AGRN: variants seen among roughly 807,000 people sequenced by gnomAD.
AGRN encodes the protein agrin, also known as agrin proteoglycan.
AGRN carries 106 observed loss-of-function variants against 211.0 expected under a neutral mutation model. The observed-to-expected ratio is 0.50, with a 90% confidence interval of 0.43 to 0.59. The LOEUF (loss-of-function observed/expected upper bound fraction) is 0.59. Ranked by LOEUF, AGRN falls within the 20% of genes least tolerant of loss-of-function variation. AGRN has a pLI of 0.00. For missense variants in AGRN, 3,040 were observed against 2,982.6 expected (o/e 1.02, Z -0.45); for synonymous variants, 1,525 against 1,332.5 (o/e 1.14, Z -3.15).
At chr1:1,035,088 AG>A in intron 2 of AGRN, 188 bp from the exon 3 acceptor site, 1 of 686,572 alleles carries the variant, frequency 1.5e-6, no homozygotes, top group Non-Finnish European at 2.5e-6. Flanking sequence ...AGAGAAAAGC[AG>A]GGGCCTCTGT....
At position 1,022,373 on chromosome 1, in the gene AGRN, G is replaced by T. The variant is rs1219093310; in HGVS notation, c.374G>T (p.Trp125Leu). The part of the protein sequence containing the change: ...FFVNPAPPYL[W>L]PAHKNELMLN... ...GTGAACCCTGCACCCCCATACCTGT[G>T]GCCAGCCCACAAGAACGAGCTGATG... Residue 125 changes from tryptophan to leucine, a missense_variant, in exon 2 of 36, where the codon TGG (tryptophan) becomes TTG (leucine). By Grantham distance (61) the Trp-to-Leu change is moderately conservative (BLOSUM62 -2). Coordinates refer to ENST00000379370, the MANE Select transcript of AGRN (RefSeq NM_198576.4). The T allele has an allele frequency of 6.2e-7, 1 of 1,613,336 alleles. No individual in the cohort carries two copies. Among genetic ancestry groups the T allele is most frequent in the Non-Finnish European group, 8.5e-7 (1 of 1,179,992 alleles).
chr1:1,048,742 G>C lies in AGRN; in HGVS notation c.4106-125G>C. On this transcript the variant is annotated intron_variant, in intron 23 of 35. Coordinates refer to ENST00000379370, the MANE Select transcript of AGRN (RefSeq NM_198576.4). The surrounding 1 kb of genome is among the most constrained non-coding windows in gnomAD (Gnocchi z 5.9). ...GGATCGCGCCACTGCACTCCAGCCG[G>C]GGCAAAAAGAGCAAAACTCCGTCTC... 1.7e-6 allele frequency: 2 copies of C among 1,199,756 alleles called. No homozygotes were observed. The highest frequency in any genetic ancestry group is 1.6e-5 in the South Asian group (1 of 62,944). The allele number at this position is 1,199,756 out of a possible 1,614,324, so 74.3% of individuals were successfully genotyped here. A position where few individuals can be genotyped will look rare whatever the true frequency, so the allele number is the denominator to read the frequency against.
Position 1,045,867 on chromosome 1 carries a change from T to C in AGRN, c.2671T>C (p.Cys891Arg), listed in dbSNP as rs756577332. The change falls in exon 15 of 36, where the codon TGT becomes CGT. Residue 891 changes from cysteine to arginine, a missense_variant. By Grantham distance (180) the Cys-to-Arg change is radical (BLOSUM62 -3). Around this residue, in one of 3 missense-constraint regions of AGRN, gnomAD observed 1,498 missense variants for 1,457.8 expected, o/e 1.03. Coordinates refer to ENST00000379370, the MANE Select transcript of AGRN (RefSeq NM_198576.4). The stretch of plus-strand genomic sequence containing the variant: ...CGGCCGTGCCCTGGGCCCCGCGGGC[T>C]GTGAAGCTGGTGAGTGAGGGCCAGC... ...PDGRALGPAG[C>R]EADASAPATC... 4 of 1,610,750 alleles carry C rather than the reference T, an allele frequency of 2.5e-6. No individual in the cohort carries two copies. In the Admixed American group the frequency reaches 6.7e-5, roughly 27 times the overall value.
chr1:1,043,342 C>T lies in AGRN; in HGVS notation c.1488C>T (p.Ser496=). Residue 496 remains serine, a synonymous_variant, in exon 8 of 36, where the codon AGC becomes AGT. Transcript: ENST00000379370. ...AACECLQACS[S]LYDPVCGSDG... is the part of the protein sequence containing the mutation. Reference sequence around the variant, plus strand: ...GTGAATGCCTGCAGGCGTGCTCGAGCCTCTACGATCCTGTGTGCGGCAGCG... The same window carrying T: ...GTGAATGCCTGCAGGCGTGCTCGAGTCTCTACGATCCTGTGTGCGGCAGCG... 2 of 1,610,408 alleles carry T rather than the reference C, an allele frequency of 1.2e-6. No homozygotes were observed. The highest frequency in any genetic ancestry group is 1.1e-5 in the South Asian group (1 of 90,516).
In AGRN at chr1:1,045,873, G is replaced by T. The variant is rs755538643; in HGVS notation, c.2677G>T (p.Ala893Ser). Residue 893 changes from alanine to serine, a missense_variant, in exon 15 of 36, where the codon GCT (alanine) becomes TCT (serine). Around this residue, in one of 3 missense-constraint regions of AGRN, gnomAD observed 1,498 missense variants for 1,457.8 expected, o/e 1.03. Coordinates refer to ENST00000379370, the MANE Select transcript of AGRN (RefSeq NM_198576.4). ...TGCCCTGGGCCCCGCGGGCTGTGAAGCTGGTGAGTGAGGGCCAGCGCTACC... is the reference window on the plus strand; with the variant it reads ...TGCCCTGGGCCCCGCGGGCTGTGAATCTGGTGAGTGAGGGCCAGCGCTACC... ...GRALGPAGCE[A>S]DASAPATCAE... 6.2e-7 allele frequency: 1 copy of T among 1,610,628 alleles called. No individual in the cohort carries two copies. Among genetic ancestry groups the T allele is most frequent in the South Asian group, 1.1e-5 (1 of 91,066 alleles).
Position 1,035,180 on chromosome 1 carries a change from G to C in AGRN, c.464-97G>C, listed in dbSNP as rs567177957. ...CCTGGGGCTAGCGGTGGGGGGGGGGGGGTGGGCAGGGGTGCCCCTTTCCAG... is the reference window on the plus strand; with the variant it reads ...CCTGGGGCTAGCGGTGGGGGGGGGGCGGTGGGCAGGGGTGCCCCTTTCCAG... On this transcript the variant is annotated intron_variant, in intron 2 of 35. Transcript: ENST00000379370. 3.9e-4 allele frequency: 461 copies of C among 1,183,492 alleles called. 2 individuals carry two copies. The African/African-American group carries it at 5.2e-3, about 13-fold the overall frequency. 73.3% of individuals were successfully genotyped at this position (1,183,492 alleles called of 1,614,324 possible).
Position 1,049,199 on chromosome 1 carries a change from C to A in AGRN, c.4299-37C>A, listed in dbSNP as rs539769367. 1.7e-4 allele frequency: 255 copies of A among 1,499,712 alleles called. 2 individuals carry two copies. In the East Asian group the frequency reaches 2.8e-3, roughly 16 times the overall value. 92.9% of individuals were successfully genotyped at this position (1,499,712 alleles called of 1,614,324 possible). Reference sequence around the variant, plus strand: ...TCAGGTAGGCGGGGTGGGGACGGGGCCGGGCGATGGTCCTGAGCACCTGCT... The same window carrying A: ...TCAGGTAGGCGGGGTGGGGACGGGGACGGGCGATGGTCCTGAGCACCTGCT... On this transcript the variant is annotated intron_variant, in intron 24 of 35. Coordinates refer to ENST00000379370, the MANE Select transcript of AGRN (RefSeq NM_198576.4).
intron 6 of AGRN, 123 bp downstream of exon 6, chr1:1,041,825 G>T (rs1481524058): frequency 8.0e-7 from 1 of 1,244,490 alleles, no homozygotes; most frequent in African/African-American, 1.6e-5. Flanking sequence ...GGAGGGCTGC[G>T]GCCAGTGCCA....
At chr1:1,045,315 G>A (rs759331616) in intron 13 of AGRN, 38 bp downstream of exon 13, 2 of 1,612,094 alleles carry the variant, frequency 1.2e-6, no homozygotes, top group Non-Finnish European at 1.7e-6. Context: ...CGGGCCTGGT[G>A]CGGCTGTGCG....
intron 33 of AGRN, 78 bp downstream of exon 33, chr1:1,051,893 G>T (rs1570251383): frequency 6.3e-7 from 1 of 1,580,490 alleles, no homozygotes; most frequent in East Asian, 2.3e-5. Context: ...CACCAGGAGG[G>T]CCCAGGAGGG....
chr1:1,030,082 C>G (rs772149256), intron 2 of AGRN, among the ~76,000 whole-genome samples: 1 of 82,064 alleles, frequency 1.2e-5, no homozygotes, highest in Non-Finnish European at 2.3e-5. Flanking sequence ...TGTGCAGTGC[C>G]TGGTGCTGTG....
At chr1:1,029,415 G>GTC (rs1189349942) in intron 2 of AGRN, among the ~76,000 whole-genome samples, 1 of 68,792 alleles carries the variant, frequency 1.5e-5, no homozygotes, top group African/African-American at 4.5e-5. Context: ...AGGTGGGGGG[G>GTC]ACATCAGTGT....
At position 1,032,518 on chromosome 1, in the gene AGRN, T is replaced by G. The variant is rs1644695561; in HGVS notation, c.464-2759T>G. ...GGGCCCAGACACCCGGCTGGGGGAC[T>G]CCAGGAAGGCAGCAGGTGTGGGCAG... is the stretch of plus-strand genomic sequence containing the variant. On this transcript the variant is annotated intron_variant, in intron 2 of 35. Coordinates refer to ENST00000379370, the MANE Select transcript of AGRN (RefSeq NM_198576.4). This position sits in a 1 kb window ranked among gnomAD's most constrained non-coding sequence, Gnocchi z 4.7. Among the ~76,000 whole-genome samples the G allele has an allele frequency of 6.6e-6, 1 of 151,910 alleles. No individual in the cohort carries two copies. Among genetic ancestry groups the G allele is most frequent in the African/African-American group, 2.4e-5 (1 of 41,318 alleles).
chr1:1,022,574 A>G, intron 2 of AGRN, 112 bp downstream of exon 2: 1 of 1,298,942 alleles, frequency 7.7e-7, no homozygotes, highest in Non-Finnish European at 1.1e-6. Flanking sequence ...CGGAGGCTGC[A>G]GCACACGGTG....
chr1:1,043,278 T>A lies in AGRN; in HGVS notation c.1424T>A (p.Phe475Tyr), dbSNP rs1444837718. 2 of 1,611,376 alleles carry A rather than the reference T, an allele frequency of 1.2e-6. No homozygotes were observed. The highest frequency in any genetic ancestry group is 1.7e-6 in the Non-Finnish European group (2 of 1,179,490). The change falls in exon 8 of 36, where the codon TTT becomes TAT. Residue 475 changes from phenylalanine to tyrosine, a missense_variant. Coordinates refer to ENST00000379370, the MANE Select transcript of AGRN (RefSeq NM_198576.4). ...PSPCLGVQCA[F>Y]GATCAVKNGQ... ...CCATGCCTCGGGGTGCAGTGTGCAT[T>A]TGGGGCGACGTGTGCTGTGAAGAAC...
chr1:1,055,707 C>T lies in AGRN; in HGVS notation c.*726C>T, dbSNP rs1411683758. 6.4e-6 allele frequency: 1 copy of T among 155,118 alleles called. No individual in the cohort carries two copies. The highest frequency in any genetic ancestry group is 2.0e-4 in the South Asian group (1 of 4,950). 9.6% of individuals were successfully genotyped at this position (155,118 alleles called of 1,614,324 possible). A position where few individuals can be genotyped will look rare whatever the true frequency, so the allele number is the denominator to read the frequency against. On this transcript the variant is annotated 3_prime_UTR_variant, in exon 36 of 36. Transcript: ENST00000379370. ...CTGCCGCCTGCCTGGGTATCTGGGC[C>T]TGGCCATGGCTGTGTTCTTCATGTG...
In AGRN at chr1:1,040,126, T is replaced by C. The variant is rs561429690; in HGVS notation, c.512-539T>C. Reference sequence around the variant, plus strand: ...GCCCCTGAGGGCCAGACGCGGGACCTGGGTGCGACCCGGGCGGGAGGCGGC... The same window carrying C: ...GCCCCTGAGGGCCAGACGCGGGACCCGGGTGCGACCCGGGCGGGAGGCGGC... On this transcript the variant is annotated intron_variant, in intron 3 of 35. Coordinates refer to ENST00000379370, the MANE Select transcript of AGRN (RefSeq NM_198576.4). Among the ~76,000 whole-genome samples, 431 of 152,286 alleles carry C rather than the reference T, an allele frequency of 2.8e-3. 3 individuals carry two copies. The highest frequency in any genetic ancestry group is 0.01 in the African/African-American group (417 of 41,568).
At chr1:1,039,190 TAGC>T (rs1217332776) in intron 3 of AGRN, among the ~76,000 whole-genome samples, 1 of 151,924 alleles carries the variant, frequency 6.6e-6, no homozygotes, top group African/African-American at 2.4e-5. Flanking sequence ...GGTGGGAGAG[TAGC>T]AGAAGAGGGG....
intron 2 of AGRN, among the ~76,000 whole-genome samples, chr1:1,025,357 T>A (rs1487754723): frequency 1.3e-5 from 2 of 152,108 alleles, no homozygotes; most frequent in Admixed American, 6.5e-5. Flanking sequence ...AGGACGGCAG[T>A]CCTAGGGGAA....
Sources: gnomAD v4.1 joint callset for allele counts (sites outside exome capture counted in the v4.1 genomes callset) on GRCh38, gnomAD v4.1.1 for gene constraint, gnomAD v4.1.1 regional missense constraint, Gnocchi (gnomAD v3.1) non-coding constraint, MANE v1.5 for transcripts, NCBI Gene and HGNC (gene_info 2026-07-23, HGNC 2026-07-21) for gene names.